The following RAD51B variants were observed in gnomAD, a reference collection of about 807,000 sequenced individuals.
The protein encoded by RAD51B is DNA repair protein RAD51 homolog 2.
A neutral mutation model predicts 42.2 loss-of-function variants in RAD51B; 38 were observed. That is an observed-to-expected ratio of 0.90 (90% CI 0.70 to 1.18). The LOEUF is 1.18. Ranked by LOEUF, RAD51B falls within the 50% of genes most tolerant of loss-of-function variation. The probability of loss-of-function intolerance (pLI) is 0.00; values close to 1 mark genes in which losing one functional copy is unlikely to be tolerated. For missense variants in RAD51B, 373 were observed against 400.7 expected, an observed-to-expected ratio of 0.93 and a Z score of 0.59; for synonymous variants, 154 against 145.2, an observed-to-expected ratio of 1.06 and a Z score of -0.43.
chr14:68,546,295 G>A (rs1888231213), intron 10 of RAD51B, among the ~76,000 whole-genome samples: 1 of 152,154 alleles, frequency 6.6e-6, no homozygotes, highest in Non-Finnish European at 1.5e-5. Context: ...AGATTTAGAG[G>A]ACTCATCAGA....
intron 7 of RAD51B, among the ~76,000 whole-genome samples, chr14:68,274,666 CAAATAAT>C (rs949457224): frequency 1.1e-4 from 16 of 152,130 alleles, no homozygotes; most frequent in African/African-American, 3.9e-4. Context: ...AATAATGTCA[CAAATAAT>C]TAATAATTAT....
chr14:68,483,985 T>C (rs1250177324), intron 10 of RAD51B, among the ~76,000 whole-genome samples: 1 of 152,252 alleles, frequency 6.6e-6, no homozygotes, highest in African/African-American at 2.4e-5. Flanking sequence ...GAAAAAATCA[T>C]GTTTTAAAGC....
intron 7 of RAD51B, among the ~76,000 whole-genome samples, chr14:67,912,981 G>A (rs1177865427): frequency 2.0e-5 from 3 of 152,170 alleles, no homozygotes; most frequent in African/African-American, 7.2e-5. Flanking sequence ...TGGGATTACA[G>A]GCGTGAGCCA....
intron 7 of RAD51B, among the ~76,000 whole-genome samples, chr14:67,904,510 C>CTTTTTT (rs3043929): frequency 2.5e-5 from 3 of 120,226 alleles, no homozygotes; most frequent in Non-Finnish European, 1.7e-5. Context: ...GGAATGTTGA[C>CTTTTTT]TTTTTTTTTT....
chr14:68,287,495 T>C (rs866564817), intron 7 of RAD51B, among the ~76,000 whole-genome samples: 1 of 152,248 alleles, frequency 6.6e-6, no homozygotes, highest in Non-Finnish European at 1.5e-5. Context: ...ATTCTGTCTA[T>C]TCCTGGCTTC....
chr14:68,006,744 ACC>A (rs2075598641), intron 7 of RAD51B, among the ~76,000 whole-genome samples: 1 of 152,176 alleles, frequency 6.6e-6, no homozygotes, highest in African/African-American at 2.4e-5. Flanking sequence ...CTTTTGCTGT[ACC>A]AAGCAAAGCT....
At position 68,072,037 on chromosome 14, in the gene RAD51B, T is replaced by TTA. The variant is rs538859849; in HGVS notation, c.756+184846_756+184847dup. On this transcript the variant is annotated intron_variant, in intron 7 of 10. Coordinates refer to ENST00000471583, the MANE Select transcript of RAD51B (RefSeq NM_133510.4). ...CCATTTCTTCTAGGTTTTCTAGATT[T>TTA]TATATATATATATAATTATATATAT... Among the ~76,000 whole-genome samples the TTA allele has an allele frequency of 3.6e-4, 40 of 111,214 alleles. 2 individuals carry two copies. Among genetic ancestry groups the TTA allele is most frequent in the East Asian group, 1.1e-3 (5 of 4,424 alleles). The allele number at this position is 111,214 out of a possible 152,430, so 73.0% of individuals were successfully genotyped here. A position where few individuals can be genotyped will look rare whatever the true frequency, so the allele number is the denominator to read the frequency against.
chr14:67,846,793 C>G (rs1294076949), intron 4 of RAD51B, among the ~76,000 whole-genome samples: 1 of 152,146 alleles, frequency 6.6e-6, no homozygotes, highest in African/African-American at 2.4e-5. Context: ...TGACAGTTCT[C>G]CTAAGGCTAA....
intron 10 of RAD51B, among the ~76,000 whole-genome samples, chr14:68,549,447 G>A (rs371187167): frequency 2.3e-5 from 2 of 85,732 alleles, no homozygotes; most frequent in South Asian, 3.8e-4. Flanking sequence ...ACGGAGTTTC[G>A]CTCTGTCGCC....
At position 67,864,997 on chromosome 14, in the gene RAD51B, T is replaced by TTTTTTTA; in HGVS notation, c.316-3_316-2insTTTATTT. On this transcript the variant is annotated splice_region_variant and splice_polypyrimidine_tract_variant and intron_variant, in intron 4 of 10. Transcript: ENST00000471583. Reference sequence around the variant, plus strand: ...TTTTTTTTTTTTTTTTTTTTTTTTTTTTTAGATTACAGGTCCACCAGGTTG... The same window carrying TTTTTTTA: ...TTTTTTTTTTTTTTTTTTTTTTTTTTTTTTTTATTTAGATTACAGGTCCACCAGGTTG... 1.5e-6 allele frequency: 2 copies of TTTTTTTA among 1,323,658 alleles called. No individual in the cohort carries two copies. Among genetic ancestry groups the TTTTTTTA allele is most frequent in the East Asian group, 3.0e-5 (1 of 33,098 alleles). 82.0% of individuals were successfully genotyped at this position (1,323,658 alleles called of 1,614,324 possible). A position where few individuals can be genotyped will look rare whatever the true frequency, so the allele number is the denominator to read the frequency against.
intron 10 of RAD51B, among the ~76,000 whole-genome samples, chr14:68,628,908 A>G (rs913263584): frequency 5.3e-5 from 8 of 152,212 alleles, no homozygotes; most frequent in South Asian, 2.1e-4. Flanking sequence ...TTATCAGGCC[A>G]TCGCTGTACA....
chr14:68,158,902 G>T (rs933319464), intron 7 of RAD51B, among the ~76,000 whole-genome samples: 1 of 152,112 alleles, frequency 6.6e-6, no homozygotes, highest in African/African-American at 2.4e-5. Context: ...CTAGAAGAAA[G>T]ACTTATTTAA....
intron 7 of RAD51B, among the ~76,000 whole-genome samples, chr14:67,941,572 C>T: frequency 6.6e-6 from 1 of 152,194 alleles, no homozygotes; most frequent in East Asian, 1.9e-4. Context: ...CTCTCTTAAA[C>T]TTGCCTAATT....
chr14:68,641,232 C>T (rs1017798738), intron 10 of RAD51B, among the ~76,000 whole-genome samples: 12 of 152,154 alleles, frequency 7.9e-5, no homozygotes, highest in East Asian at 1.9e-4. Context: ...CCCTGTCCTA[C>T]GGGATTTAAT....
At chr14:68,155,192 T>G (rs2078475528) in intron 7 of RAD51B, among the ~76,000 whole-genome samples, 1 of 150,880 alleles carries the variant, frequency 6.6e-6, no homozygotes, top group Non-Finnish European at 1.5e-5. Flanking sequence ...TAGTATTATA[T>G]TTCTTTTTTT....
intron 7 of RAD51B, among the ~76,000 whole-genome samples, chr14:68,113,359 T>C (rs2077489558): frequency 6.6e-6 from 1 of 152,156 alleles, no homozygotes; most frequent in Non-Finnish European, 1.5e-5. Flanking sequence ...GAATTATAAT[T>C]TGCAAATCAT....
At chr14:67,971,006 T>A (rs1020960317) in intron 7 of RAD51B, among the ~76,000 whole-genome samples, 5 of 152,100 alleles carry the variant, frequency 3.3e-5, no homozygotes, top group Admixed American at 3.3e-4. Flanking sequence ...ACTATTCTGT[T>A]ATGACATAAA....
At chr14:68,321,574 G>A (rs564921851) in intron 8 of RAD51B, among the ~76,000 whole-genome samples, 1 of 152,242 alleles carries the variant, frequency 6.6e-6, no homozygotes, top group South Asian at 2.1e-4. Flanking sequence ...AGCAGCATTT[G>A]ATCCATAATC....
chr14:68,541,372 G>A (rs1887958107), intron 10 of RAD51B: 2 of 985,464 alleles, frequency 2.0e-6, no homozygotes, highest in South Asian at 9.4e-5. Flanking sequence ...AAATGCCATA[G>A]TCCTTCCCAG....
Sources: gnomAD v4.1 joint callset for allele counts (sites outside exome capture counted in the v4.1 genomes callset) on GRCh38, gnomAD v4.1.1 for gene constraint, MANE v1.5 for transcripts, NCBI Gene and HGNC (gene_info 2026-07-23, HGNC 2026-07-21) for gene names.